The following R3HDM1 variants were observed in gnomAD, a reference collection of about 807,000 sequenced individuals.
R3HDM1 encodes R3H domain-containing protein 1.
A neutral mutation model predicts 141.1 loss-of-function variants in R3HDM1; 46 were observed. That is an observed-to-expected ratio of 0.33 (90% CI 0.26 to 0.42). The LOEUF is 0.42. R3HDM1 is among the 10% of genes least tolerant of loss of function. The probability of loss-of-function intolerance (pLI) is 1.00; values close to 1 mark genes in which losing one functional copy is unlikely to be tolerated. For missense variants in R3HDM1, 1,184 were observed against 1,368.3 expected, an observed-to-expected ratio of 0.87 and a Z score of 2.12; for synonymous variants, 435 against 472.9, an observed-to-expected ratio of 0.92 and a Z score of 1.04.
At chr2:135,534,617 G>A (rs1490678359) in intron 1 of R3HDM1, among the ~76,000 whole-genome samples, 3 of 152,198 alleles carry the variant, frequency 2.0e-5, no homozygotes, top group Non-Finnish European at 2.9e-5. Flanking sequence ...TCCAGTCAGG[G>A]TTCAAGACAA....
intron 3 of R3HDM1, among the ~76,000 whole-genome samples, chr2:135,609,694 C>T (rs1239363484): frequency 6.6e-6 from 1 of 152,004 alleles, no homozygotes; most frequent in East Asian, 1.9e-4. Flanking sequence ...TATAACTCAC[C>T]GATGGGTTTC....
chr2:135,720,980 A>G (rs1048367621), intron 24 of R3HDM1, among the ~76,000 whole-genome samples: 1 of 152,162 alleles, frequency 6.6e-6, no homozygotes, highest in African/African-American at 2.4e-5. Flanking sequence ...TGTATTTCAT[A>G]CGGGATGTTA....
intron 18 of R3HDM1, among the ~76,000 whole-genome samples, chr2:135,655,443 G>T (rs778526720): frequency 7.9e-5 from 12 of 151,924 alleles, no homozygotes; most frequent in Admixed American, 4.6e-4. Flanking sequence ...TTAAAAATGG[G>T]AAGAGTGAGT....
At chr2:135,707,404 G>C (rs1186645423) in intron 21 of R3HDM1, among the ~76,000 whole-genome samples, 1 of 152,164 alleles carries the variant, frequency 6.6e-6, no homozygotes, top group Non-Finnish European at 1.5e-5. Context: ...ACGTCTCTCA[G>C]AAGATAAGTA....
chr2:135,643,965 G>A (rs1265662756), intron 15 of R3HDM1, among the ~76,000 whole-genome samples: 1 of 152,140 alleles, frequency 6.6e-6, no homozygotes, highest in Non-Finnish European at 1.5e-5. Context: ...CTTATTGGAA[G>A]GTGGAGGGTG....
At chr2:135,635,433 GGTTT>G (rs1297540652) in intron 9 of R3HDM1, among the ~76,000 whole-genome samples, 1 of 152,032 alleles carries the variant, frequency 6.6e-6, no homozygotes, top group Non-Finnish European at 1.5e-5. Flanking sequence ...TTTGAACCTC[GGTTT>G]GTTCAATAAT....
intron 24 of R3HDM1, among the ~76,000 whole-genome samples, chr2:135,717,836 C>T (rs2076320065): frequency 6.6e-6 from 1 of 152,186 alleles, no homozygotes; most frequent in African/African-American, 2.4e-5. Flanking sequence ...CAATTCCACT[C>T]CTGGGGGAAA....
chr2:135,532,022 C>T (rs1011132670), intron 1 of R3HDM1, among the ~76,000 whole-genome samples: 13 of 152,208 alleles, frequency 8.5e-5, no homozygotes, highest in Non-Finnish European at 1.8e-4. Flanking sequence ...CTGCTGCCTC[C>T]GCGGCTGCTC....
chr2:135,641,815 C>G, intron 15 of R3HDM1, 25 bp downstream of exon 15: 1 of 1,558,750 alleles, frequency 6.4e-7, no homozygotes, highest in African/African-American at 1.4e-5. Context: ...AAAGGTGTTT[C>G]AGGAATTATC....
rs1009369894 is a variant in R3HDM1 at position 135,602,669 on chromosome 2, T to C, written c.-80T>C. ...AACCTTGGATTATTTTATTTTATTT[T>C]TGTGGGACACCACAATCCCAAATCC... On this transcript the variant is annotated 5_prime_UTR_variant, in exon 2 of 27. Transcript: ENST00000683871. 88 of 1,545,164 alleles carry C rather than the reference T, an allele frequency of 5.7e-5. No homozygotes were observed. In the East Asian group the frequency reaches 6.6e-4, roughly 12 times the overall value.
chr2:135,712,649 C>T (rs60397494), intron 23 of R3HDM1, among the ~76,000 whole-genome samples: 27,426 of 151,668 alleles, frequency 0.18, 3,052 homozygotes, highest in East Asian at 0.44. Context: ...CGGCCGGGCA[C>T]GATGGCTCAC....
At chr2:135,634,883 G>A (rs1264583806) in intron 9 of R3HDM1, among the ~76,000 whole-genome samples, 2 of 152,244 alleles carry the variant, frequency 1.3e-5, no homozygotes, top group Admixed American at 1.3e-4. Flanking sequence ...TAGAATGATA[G>A]TCACAGGAGT....
Position 135,649,897 on chromosome 2 carries a change from T to C in R3HDM1, c.1624-5T>C. ...AACATTGTTTGCCAACCTGTTATTC[T>C]TTAGCCTGTTCATCCTCTGCAGTCC... On this transcript the variant is annotated splice_region_variant and splice_polypyrimidine_tract_variant and intron_variant, in intron 16 of 26. Coordinates refer to ENST00000683871, the MANE Select transcript of R3HDM1 (RefSeq NM_001378107.1). The C allele has an allele frequency of 8.0e-7, 1 of 1,244,710 alleles. No homozygotes were observed. Among genetic ancestry groups the C allele is most frequent in the Non-Finnish European group, 1.0e-6 (1 of 958,064 alleles). The allele number at this position is 1,244,710 out of a possible 1,614,324, so 77.1% of individuals were successfully genotyped here.
intron 1 of R3HDM1, among the ~76,000 whole-genome samples, chr2:135,573,062 T>C (rs1704511301): frequency 6.6e-6 from 1 of 152,204 alleles, no homozygotes; most frequent in South Asian, 2.1e-4. Flanking sequence ...GATGAAAATA[T>C]TCTAAAATTG....
At chr2:135,622,511 A>G in intron 6 of R3HDM1, 143 bp from the exon 7 acceptor site, 8 of 1,331,274 alleles carry the variant, frequency 6.0e-6, no homozygotes, top group Non-Finnish European at 7.7e-6. Flanking sequence ...ACCTGATTTC[A>G]TTGTAACTTT....
rs1415659471 is a variant in R3HDM1, at chr2:135,680,190, T to A, written c.2325T>A (p.Gly775=). 6.2e-7 allele frequency: 1 copy of A among 1,613,828 alleles called. No individual in the cohort carries two copies. The highest frequency in any genetic ancestry group is 2.2e-5 in the East Asian group (1 of 44,872). The change falls in exon 21 of 27, where the codon GGT becomes GGA. Residue 775 remains glycine, a synonymous_variant. Transcript: ENST00000683871. ...AATTTTAGGTTTCACTGCCTCAAGG[T>A]TCTCAAGGAATTCCCCATCAGACTT... ...VPTYQVSLPQ[G]SQGIPHQTYQ...
chr2:135,618,650 G>A (rs111392095), intron 5 of R3HDM1, among the ~76,000 whole-genome samples: 1 of 151,908 alleles, frequency 6.6e-6, no homozygotes, highest in South Asian at 2.1e-4. Flanking sequence ...TTGCATGATT[G>A]TAATAAAGCT....
intron 3 of R3HDM1, among the ~76,000 whole-genome samples, chr2:135,608,341 T>TTATATGTAAG (rs2105128076): frequency 6.6e-6 from 1 of 151,568 alleles, no homozygotes; most frequent in East Asian, 1.9e-4. Flanking sequence ...ATAATAATAA[T>TTATATGTAAG]AATTTACTAT....
intron 21 of R3HDM1, among the ~76,000 whole-genome samples, chr2:135,685,292 C>T (rs1373087867): frequency 6.6e-6 from 1 of 151,978 alleles, no homozygotes; most frequent in Non-Finnish European, 1.5e-5. Context: ...GGTTTCTGTC[C>T]TTCCTTCCTC....
Sources: gnomAD v4.1 joint callset for allele counts (sites outside exome capture counted in the v4.1 genomes callset) on GRCh38, gnomAD v4.1.1 for gene constraint, MANE v1.5 for transcripts, NCBI Gene and HGNC (gene_info 2026-07-23, HGNC 2026-07-21) for gene names.